SLC8A1: variants seen among roughly 807,000 people sequenced by gnomAD.
SLC8A1 encodes the protein solute carrier family 8 member A1.
A neutral mutation model predicts 68.3 loss-of-function variants in SLC8A1; 18 were observed. The ratio of observed to expected loss-of-function variants is 0.26; its 90% CI spans 0.18 to 0.39. The LOEUF is 0.39. Ranked by LOEUF, SLC8A1 falls within the 10% of genes least tolerant of loss-of-function variation. SLC8A1 has a pLI of 1.00. For missense variants in SLC8A1, 985 were observed against 1,156.7 expected (o/e 0.85, Z 2.15); for synonymous variants, 475 against 415.5 (o/e 1.14, Z -1.74).
At chr2:40,366,235 G>A (rs1263138104) in intron 2 of SLC8A1, among the ~76,000 whole-genome samples, 1 of 151,950 alleles carries the variant, frequency 6.6e-6, no homozygotes, top group African/African-American at 2.4e-5. Context: ...ACTCAACAAT[G>A]TTAACTTTTT....
At chr2:40,391,141 A>AT (rs1481316205) in intron 2 of SLC8A1, among the ~76,000 whole-genome samples, 1 of 148,700 alleles carries the variant, frequency 6.7e-6, no homozygotes, top group African/African-American at 2.5e-5. Flanking sequence ...ATTCTCCTTA[A>AT]AATATATATA....
chr2:40,390,852 T>C (rs1462992842), intron 2 of SLC8A1, among the ~76,000 whole-genome samples: 1 of 151,946 alleles, frequency 6.6e-6, no homozygotes, highest in African/African-American at 2.4e-5. Flanking sequence ...AAAAGATCTG[T>C]GTACCCAATT....
chr2:40,444,526 C>A (rs1288026494), intron 1 of SLC8A1, among the ~76,000 whole-genome samples: 6 of 152,076 alleles, frequency 3.9e-5, no homozygotes, highest in Non-Finnish European at 7.4e-5. Context: ...ACACCAATTG[C>A]TAGGATTCCC....
intron 2 of SLC8A1, among the ~76,000 whole-genome samples, chr2:40,390,715 TAAC>T (rs1285212335): frequency 2.0e-5 from 3 of 152,138 alleles, no homozygotes. Flanking sequence ...ATGTTTTTTT[TAAC>T]AACCCGATAT....
At chr2:40,369,231 G>C (rs1391226967) in intron 2 of SLC8A1, among the ~76,000 whole-genome samples, 1 of 151,978 alleles carries the variant, frequency 6.6e-6, no homozygotes, top group African/African-American at 2.4e-5. Flanking sequence ...AAAAGAAACT[G>C]TCAACAGAGT....
chr2:40,218,987 C>T (rs568158128), intron 2 of SLC8A1, among the ~76,000 whole-genome samples: 1 of 143,250 alleles, frequency 7.0e-6, no homozygotes, highest in South Asian at 2.2e-4. Context: ...TAGTGCTTCA[C>T]AGGAAACTGG....
chr2:40,455,390 G>A (rs572739558), upstream of SLC8A1, among the ~76,000 whole-genome samples: 1 of 152,280 alleles, frequency 6.6e-6, no homozygotes, highest in East Asian at 1.9e-4. Context: ...ACATAAATCA[G>A]AGGTACCTCT....
At chr2:40,121,977 G>C (rs1309369097) in intron 7 of SLC8A1, among the ~76,000 whole-genome samples, 1 of 152,060 alleles carries the variant, frequency 6.6e-6, no homozygotes, top group Non-Finnish European at 1.5e-5. Flanking sequence ...CTGTAAGGTA[G>C]ATATCTTTAC....
At chr2:40,351,011 T>G (rs893054415) in intron 2 of SLC8A1, among the ~76,000 whole-genome samples, 1 of 152,128 alleles carries the variant, frequency 6.6e-6, no homozygotes, top group Non-Finnish European at 1.5e-5. Flanking sequence ...CTCATCCTTA[T>G]CCCATTGCCT....
intron 1 of SLC8A1, among the ~76,000 whole-genome samples, chr2:40,501,409 A>C (rs1342283931): frequency 6.6e-6 from 1 of 152,120 alleles, no homozygotes; most frequent in Non-Finnish European, 1.5e-5. Context: ...AATTGCATAC[A>C]TTTGCTCACT....
intron 2 of SLC8A1, among the ~76,000 whole-genome samples, chr2:40,365,138 T>C (rs1318245582): frequency 6.6e-6 from 1 of 152,006 alleles, no homozygotes; most frequent in Non-Finnish European, 1.5e-5. Context: ...TGTATATAAA[T>C]GCTTTACCTT....
intron 2 of SLC8A1, among the ~76,000 whole-genome samples, chr2:40,356,300 T>C (rs974523004): frequency 2.6e-5 from 4 of 152,180 alleles, no homozygotes; most frequent in African/African-American, 9.7e-5. Context: ...GACTGCCACA[T>C]AGGAAGTACT....
intron 2 of SLC8A1, among the ~76,000 whole-genome samples, chr2:40,281,030 C>T (rs927803112): frequency 1.3e-5 from 2 of 152,146 alleles, no homozygotes; most frequent in Non-Finnish European, 2.9e-5. Flanking sequence ...CATCTTTGTA[C>T]CTCCCATTTG....
intron 2 of SLC8A1, among the ~76,000 whole-genome samples, chr2:40,336,698 G>T (rs1380793129): frequency 6.6e-6 from 1 of 152,146 alleles, no homozygotes; most frequent in Non-Finnish European, 1.5e-5. Context: ...ATACAGGCAT[G>T]AACCTCTGTG....
chr2:40,300,531 C>T (rs2071260921), intron 2 of SLC8A1, among the ~76,000 whole-genome samples: 1 of 152,180 alleles, frequency 6.6e-6, no homozygotes, highest in South Asian at 2.1e-4. Flanking sequence ...CAGCGTAAGT[C>T]TGAAACAAGA....
At chr2:40,104,957 T>C (rs867817659) in exon 8 of SLC8A1, 10 of 152,264 alleles carry the variant, frequency 6.6e-5, no homozygotes, top group Non-Finnish European at 8.8e-5. Flanking sequence ...TTTAGAAAGC[T>C]GTTTGGTGAG....
At chr2:40,494,635 AG>A (rs1705553238) in intron 1 of SLC8A1, among the ~76,000 whole-genome samples, 1 of 122,424 alleles carries the variant, frequency 8.2e-6, no homozygotes. Flanking sequence ...TAGAACTTAA[AG>A]TATAATATAT....
At chr2:40,409,766 C>A (rs2149693737) in intron 2 of SLC8A1, among the ~76,000 whole-genome samples, 1 of 152,240 alleles carries the variant, frequency 6.6e-6, no homozygotes, top group Non-Finnish European at 1.5e-5. Flanking sequence ...CCACATCATC[C>A]ACCATTATCC....
At chr2:40,509,914 G>A (rs534462236) in intron 1 of SLC8A1, among the ~76,000 whole-genome samples, 6 of 151,660 alleles carry the variant, frequency 4.0e-5, no homozygotes, top group Admixed American at 6.6e-5. Flanking sequence ...AGCAATCTCC[G>A]CCTCCCAGGT....
Sources: gnomAD v4.1 joint callset for allele counts (sites outside exome capture counted in the v4.1 genomes callset) on GRCh38, gnomAD v4.1.1 for gene constraint, MANE v1.5 for transcripts, NCBI Gene and HGNC (gene_info 2026-07-23, HGNC 2026-07-21) for gene names.